Variants in FST observed in about 807,000 individuals in gnomAD.
FST encodes follistatin.
A neutral mutation model predicts 38.4 loss-of-function variants in FST; 6 were observed. The observed-to-expected ratio is 0.16, with a 90% CI of 0.09 to 0.31. The LOEUF is 0.31. Among genes scored for constraint, FST ranks in the 10% least tolerant of loss-of-function variants. The pLI is 1.00. For missense variants in FST, 301 were observed against 432.3 expected (o/e 0.70, Z 2.69); for synonymous variants, 157 against 169.8 (o/e 0.92, Z 0.59).
intron 4 of FST, 158 bp downstream of exon 4, chr5:53,484,451 A>G (rs1579767497): frequency 4.1e-6 from 1 of 243,266 alleles, no homozygotes; most frequent in Non-Finnish European, 6.6e-6. Flanking sequence ...AGTATTCCTC[A>G]TGGAAACCAT....
rs528324037 is a variant in FST, at chr5:53,483,191, G to T, written c.277+120G>T. On this transcript the variant is annotated intron_variant, in intron 2 of 5. Transcript: ENST00000256759. This position sits in a 1 kb window ranked among gnomAD's most constrained non-coding sequence, Gnocchi z 4.1. The stretch of plus-strand genomic sequence containing the variant: ...CTTTGTTCCTGGGCTTCCCCTTCCT[G>T]TCCCTTGCCCTGGTAAGCCGTGCAG... 7.0e-6 allele frequency: 5 copies of T among 710,586 alleles called. No individual in the cohort carries two copies. The South Asian group carries it at 7.0e-5, about 10-fold the overall frequency. 44.0% of individuals were successfully genotyped at this position (710,586 alleles called of 1,614,324 possible). A position where few individuals can be genotyped will look rare whatever the true frequency, so the allele number is the denominator to read the frequency against.
In FST at chr5:53,483,061, C is replaced by A. The variant is rs758392930; in HGVS notation, c.267C>A (p.Ile89=). The change falls in exon 2 of 6, where the codon ATC becomes ATA. Residue 89 remains isoleucine, a synonymous_variant. Transcript: ENST00000256759. This position sits in a 1 kb window ranked among gnomAD's most constrained non-coding sequence, Gnocchi z 4.1. ...MIFNGGAPNC[I]PCKETCENVD... is the part of the protein sequence containing the mutation. Reference sequence around the variant, plus strand: ...TCAACGGGGGCGCCCCCAACTGCATCCCCTGTAAAGGTAGGACTCCTTCTT... The same window carrying A: ...TCAACGGGGGCGCCCCCAACTGCATACCCTGTAAAGGTAGGACTCCTTCTT... 2.5e-6 allele frequency: 4 copies of A among 1,611,068 alleles called. No individual in the cohort carries two copies. In the Admixed American group the frequency reaches 5.0e-5, roughly 20 times the overall value.
Position 53,480,722 on chromosome 5 carries a change from C to T in FST, c.-70C>T, listed in dbSNP as rs1368230792. ...GCTGGCCTCTGCGACGCGCGCCGCT[C>T]GCCCGAGCCACCCGCCGCCGCGCCG... is the stretch of plus-strand genomic sequence containing the variant. On this transcript the variant is annotated 5_prime_UTR_variant, in exon 1 of 6. Coordinates refer to ENST00000256759, the MANE Select transcript of FST (RefSeq NM_013409.3). 4.9e-6 allele frequency: 2 copies of T among 404,166 alleles called. No homozygotes were observed. The highest frequency in any genetic ancestry group is 2.2e-5 in the African/African-American group (1 of 45,882). The allele number at this position is 404,166 out of a possible 1,614,324, so 25.0% of individuals were successfully genotyped here.
chr5:53,485,693 G>T (rs1223470525), intron 5 of FST: 2 of 1,604,914 alleles, frequency 1.2e-6, no homozygotes, highest in African/African-American at 2.7e-5. Context: ...TCAGGAATCT[G>T]CCCGTAAAAC....
chr5:53,485,577 A>G (rs1326041391), intron 5 of FST: 3 of 752,446 alleles, frequency 4.0e-6, no homozygotes, highest in African/African-American at 1.8e-5. Context: ...CGACAGCTTC[A>G]TATTATCACA....
chr5:53,483,020 T>C lies in FST; in HGVS notation c.226T>C (p.Phe76Leu). Residue 76 changes from phenylalanine (F) to leucine (L), a missense_variant, in exon 2 of 6, where the codon TTC becomes CTC. Transcript: ENST00000256759. The surrounding 1 kb of genome is among the most constrained non-coding windows in gnomAD (Gnocchi z 4.1). ...GGAGGACGTGAATGACAACACACTCTTCAAGTGGATGATTTTCAACGGGGG... is the reference window on the plus strand; with the variant it reads ...GGAGGACGTGAATGACAACACACTCCTCAAGTGGATGATTTTCAACGGGGG... Reference protein sequence around the residue: ...TEEDVNDNTLFKWMIFNGGAP... With the variant: ...TEEDVNDNTLLKWMIFNGGAP... The C allele has an allele frequency of 1.9e-6, 3 of 1,613,996 alleles. No homozygotes were observed. The highest frequency in any genetic ancestry group is 2.5e-6 in the Non-Finnish European group (3 of 1,179,888).
In FST at chr5:53,484,077, C is replaced by T. The variant is rs1302718572; in HGVS notation, c.505C>T (p.Arg169Trp). The T allele has an allele frequency of 2.5e-6, 4 of 1,612,470 alleles. No individual in the cohort carries two copies. Among genetic ancestry groups the T allele is most frequent in the Admixed American group, 1.7e-5 (1 of 59,992 alleles). The change falls in exon 4 of 6, where the codon CGG becomes TGG. Residue 169 changes from arginine to tryptophan, a missense_variant. By Grantham distance (101) the Arg-to-Trp change is moderately radical. Transcript: ENST00000256759. ...QYQGRCKKTC[R>W]DVFCPGSSTC... is the part of the protein sequence containing the mutation. Reference sequence around the variant, plus strand: ...TTCCTTCTTTGTTCCAGAGACTTGTCGGGATGTTTTCTGTCCAGGCAGCTC... The same window carrying T: ...TTCCTTCTTTGTTCCAGAGACTTGTTGGGATGTTTTCTGTCCAGGCAGCTC...
intron 1 of FST, among the ~76,000 whole-genome samples, chr5:53,482,476 G>T (rs1375426940): frequency 6.6e-6 from 1 of 151,932 alleles, no homozygotes; most frequent in Non-Finnish European, 1.5e-5. Context: ...GTTTTTGTCA[G>T]GTTCTTTAAT....
Position 53,486,357 on chromosome 5 carries a change from A to C in FST, c.*324A>C, listed in dbSNP as rs1162560996. 2 of 175,656 alleles carry C rather than the reference A, an allele frequency of 1.1e-5. No homozygotes were observed. The highest frequency in any genetic ancestry group is 2.4e-5 in the Non-Finnish European group (2 of 84,240). 10.9% of individuals were successfully genotyped at this position (175,656 alleles called of 1,614,324 possible). A position where few individuals can be genotyped will look rare whatever the true frequency, so the allele number is the denominator to read the frequency against. ...TGGTTGACTGTATACCTTGTTTTTG[A>C]AGAAATTTATTCGTGAAAGGAAGAG... On this transcript the variant is annotated 3_prime_UTR_variant, in exon 6 of 6. Coordinates refer to ENST00000256759, the MANE Select transcript of FST (RefSeq NM_013409.3).
chr5:53,485,845 G>A lies in FST; in HGVS notation c.953-106G>A, dbSNP rs1426521740. 3.1e-6 allele frequency: 5 copies of A among 1,597,194 alleles called. No individual in the cohort carries two copies. In the African/African-American group the frequency reaches 4.1e-5, roughly 13 times the overall value. On this transcript the variant is annotated intron_variant, in intron 5 of 5. Coordinates refer to ENST00000256759, the MANE Select transcript of FST (RefSeq NM_013409.3). ...ACTGCAAGTCACATAAAAATGCAAC[G>A]CTGTAATATGGCTGTATCAGAGGGC... is the stretch of plus-strand genomic sequence containing the variant.
At position 53,485,846 on chromosome 5, in the gene FST, C is replaced by T; in HGVS notation, c.953-105C>T. 4.4e-6 allele frequency: 7 copies of T among 1,597,854 alleles called. 1 individual carries two copies. The South Asian group carries it at 8.0e-5, about 18-fold the overall frequency. Reference sequence around the variant, plus strand: ...CTGCAAGTCACATAAAAATGCAACGCTGTAATATGGCTGTATCAGAGGGCT... The same window carrying T: ...CTGCAAGTCACATAAAAATGCAACGTTGTAATATGGCTGTATCAGAGGGCT... On this transcript the variant is annotated intron_variant, in intron 5 of 5. Coordinates refer to ENST00000256759, the MANE Select transcript of FST (RefSeq NM_013409.3).
intron 5 of FST, 194 bp from the exon 6 acceptor site, chr5:53,485,757 C>G: frequency 6.3e-7 from 1 of 1,594,420 alleles, no homozygotes; most frequent in Non-Finnish European, 8.5e-7. Context: ...ATAGATTATG[C>G]TTTAAAAAAA....
In FST at chr5:53,483,750, G is replaced by C; in HGVS notation, c.496+28G>C. 1 of 1,527,676 alleles carries C rather than the reference G, an allele frequency of 6.5e-7. No individual in the cohort carries two copies. The highest frequency in any genetic ancestry group is 9.1e-7 in the Non-Finnish European group (1 of 1,102,610). 94.6% of individuals were successfully genotyped at this position (1,527,676 alleles called of 1,614,324 possible). On this transcript the variant is annotated intron_variant, in intron 3 of 5. Coordinates refer to ENST00000256759, the MANE Select transcript of FST (RefSeq NM_013409.3). This position sits in a 1 kb window ranked among gnomAD's most constrained non-coding sequence, Gnocchi z 4.1. The stretch of plus-strand genomic sequence containing the variant: ...AGGTCCTACCCTGTTGAGCAAGACT[G>C]GATCTGTCCCCTCCTCCAGCTTTGT...
At chr5:53,484,966 G>A (rs1261908010) in intron 4 of FST, 31 bp from the exon 5 acceptor site, 1 of 1,053,282 alleles carries the variant, frequency 9.5e-7, no homozygotes, top group African/African-American at 1.6e-5. Flanking sequence ...GGGGAAATCA[G>A]TTTACTCATC....
chr5:53,482,802 C>A (rs1361149097), intron 1 of FST, 78 bp from the exon 2 acceptor site: 2 of 827,226 alleles, frequency 2.4e-6, no homozygotes, highest in African/African-American at 1.7e-5. Flanking sequence ...GGGTCTCCTT[C>A]GCTAGCCACC....
At chr5:53,485,305 G>T in intron 5 of FST, 78 bp downstream of exon 5, 1 of 764,582 alleles carries the variant, frequency 1.3e-6, no homozygotes, top group Non-Finnish European at 2.3e-6. Flanking sequence ...TACAAAGCAC[G>T]CAGATCTCCC....
At position 53,483,432 on chromosome 5, in the gene FST, C is replaced by T. The variant is rs532499043; in HGVS notation, c.278-72C>T. On this transcript the variant is annotated intron_variant, in intron 2 of 5. Coordinates refer to ENST00000256759, the MANE Select transcript of FST (RefSeq NM_013409.3). This position sits in a 1 kb window ranked among gnomAD's most constrained non-coding sequence, Gnocchi z 4.1. ...CAGGGCTGCATGATTGCGCAAGGCA[C>T]CCGAAGCCCTCCTGGCTGACCTGCA... The T allele has an allele frequency of 3.5e-5, 43 of 1,233,108 alleles. No homozygotes were observed. The highest frequency in any genetic ancestry group is 2.5e-4 in the South Asian group (19 of 76,790). 76.4% of individuals were successfully genotyped at this position (1,233,108 alleles called of 1,614,324 possible).
intron 1 of FST, among the ~76,000 whole-genome samples, chr5:53,482,366 C>G (rs950266004): frequency 1.3e-5 from 2 of 151,030 alleles, no homozygotes; most frequent in African/African-American, 4.9e-5. Context: ...CATCTCTCCT[C>G]TCTCCTCTCT....
chr5:53,485,885 CT>C lies in FST; in HGVS notation c.953-65del, dbSNP rs925429473. 4.4e-6 allele frequency: 7 copies of C among 1,601,022 alleles called. No homozygotes were observed. The Admixed American group carries it at 9.0e-5, about 21-fold the overall frequency. On this transcript the variant is annotated intron_variant, in intron 5 of 5. Coordinates refer to ENST00000256759, the MANE Select transcript of FST (RefSeq NM_013409.3). ...TATCAGAGGGCTTTGAAAACATACA[CT>C]GAGCTGCTTCTGCGCTGTTGTTGTC...
Sources: gnomAD v4.1 joint callset for allele counts (sites outside exome capture counted in the v4.1 genomes callset) on GRCh38, gnomAD v4.1.1 for gene constraint, Gnocchi (gnomAD v3.1) non-coding constraint, MANE v1.5 for transcripts, NCBI Gene and HGNC (gene_info 2026-07-23, HGNC 2026-07-21) for gene names.